NIBAN1: variants seen among roughly 807,000 people sequenced by gnomAD.
NIBAN1 encodes protein Niban 1.
A neutral mutation model predicts 75.1 loss-of-function variants in NIBAN1; 81 were observed. The observed-to-expected ratio is 1.08, with a 90% confidence interval of 0.90 to 1.30. The LOEUF (loss-of-function observed/expected upper bound fraction) is 1.30. Among genes scored for constraint, NIBAN1 ranks in the 50% most tolerant of loss-of-function variants. The probability of loss-of-function intolerance (pLI) is 0.00; values close to 1 mark genes in which losing one functional copy is unlikely to be tolerated. For missense variants in NIBAN1, 1,133 were observed against 1,128.1 expected, an observed-to-expected ratio of 1.00 and a Z score of -0.06; for synonymous variants, 436 against 424.8, an observed-to-expected ratio of 1.03 and a Z score of -0.32.
chr1:184,807,071 C>T (rs1654221214), intron 10 of NIBAN1, among the ~76,000 whole-genome samples: 1 of 152,040 alleles, frequency 6.6e-6, no homozygotes, highest in African/African-American at 2.4e-5. Context: ...TGCCTGGCCA[C>T]AATATATACC....
chr1:184,869,853 A>T (rs1656056877), intron 5 of NIBAN1, among the ~76,000 whole-genome samples: 4 of 152,074 alleles, frequency 2.6e-5, no homozygotes. Context: ...ACCATTCACC[A>T]CTTTTTTATT....
intron 1 of NIBAN1, among the ~76,000 whole-genome samples, chr1:184,940,593 G>A (rs566646051): frequency 6.6e-6 from 1 of 152,302 alleles, no homozygotes; most frequent in South Asian, 2.1e-4. Flanking sequence ...GTATACCACA[G>A]TGTATTTTGG....
chr1:184,875,372 G>A (rs2102292998), intron 5 of NIBAN1, among the ~76,000 whole-genome samples: 1 of 152,302 alleles, frequency 6.6e-6, no homozygotes, highest in Middle Eastern at 3.4e-3. Flanking sequence ...TCATGAAGCT[G>A]CAGTCACATG....
At position 184,795,733 on chromosome 1, in the gene NIBAN1, C is replaced by T. The variant is rs542770537; in HGVS notation, c.2031G>A (p.Pro677=). Residue 677 remains proline (P), a synonymous_variant, in exon 14 of 14, where the codon CCG becomes CCA. Transcript: ENST00000367511. ...ACTCCAGCTCTGATGAGCATGTGCC[C>T]GGGAGTCCTGCTGTGTCCTCTGTTG... ...PVATEDTAGL[P]GTCSSELEFG... 70 of 1,612,724 alleles carry T rather than the reference C, an allele frequency of 4.3e-5. No individual in the cohort carries two copies. Among genetic ancestry groups the T allele is most frequent in the Non-Finnish European group, 5.3e-5 (63 of 1,179,192 alleles).
chr1:184,966,465 A>T (rs1172646086), intron 1 of NIBAN1, among the ~76,000 whole-genome samples: 1 of 152,256 alleles, frequency 6.6e-6, no homozygotes, highest in Admixed American at 6.5e-5. Flanking sequence ...AAAAATAAAA[A>T]GTAGAACCAC....
At chr1:184,936,416 A>G (rs1321072441) in intron 1 of NIBAN1, among the ~76,000 whole-genome samples, 1 of 152,182 alleles carries the variant, frequency 6.6e-6, no homozygotes, top group Non-Finnish European at 1.5e-5. Context: ...ATGTTCCTGT[A>G]TTGTTGCCTC....
intron 1 of NIBAN1, among the ~76,000 whole-genome samples, chr1:184,951,486 G>T (rs1231991635): frequency 1.3e-5 from 2 of 152,052 alleles, no homozygotes; most frequent in Non-Finnish European, 2.9e-5. Context: ...TTTTGTTCAG[G>T]TCAGAAATTG....
At chr1:184,935,033 G>C (rs1284528217) in intron 1 of NIBAN1, among the ~76,000 whole-genome samples, 1 of 152,198 alleles carries the variant, frequency 6.6e-6, no homozygotes, top group East Asian at 1.9e-4. Flanking sequence ...TCACACCACT[G>C]CACTCCGGCT....
chr1:184,931,188 C>T (rs763653473), intron 1 of NIBAN1, among the ~76,000 whole-genome samples: 139 of 152,008 alleles, frequency 9.1e-4, no homozygotes, highest in Non-Finnish European at 1.8e-3. Flanking sequence ...TTAGTAGAGA[C>T]GGGGTTTCAC....
chr1:184,922,153 TGAC>T (rs1409100540), intron 1 of NIBAN1, among the ~76,000 whole-genome samples: 2 of 152,156 alleles, frequency 1.3e-5, no homozygotes, highest in Non-Finnish European at 2.9e-5. Flanking sequence ...ATGGGATACA[TGAC>T]ATATTTTGAT....
chr1:184,896,215 ATC>A (rs1418066520), intron 2 of NIBAN1, among the ~76,000 whole-genome samples: 5 of 152,130 alleles, frequency 3.3e-5, no homozygotes, highest in African/African-American at 1.2e-4. Flanking sequence ...CATCCACATC[ATC>A]TGTTATTTTT....
At chr1:184,938,699 A>C (rs1435388879) in intron 1 of NIBAN1, among the ~76,000 whole-genome samples, 1 of 152,238 alleles carries the variant, frequency 6.6e-6, no homozygotes, top group Non-Finnish European at 1.5e-5. Context: ...ATTCTAATGG[A>C]ATTCTCAAGT....
chr1:184,882,445 G>A (rs1222244034), intron 5 of NIBAN1, among the ~76,000 whole-genome samples: 2 of 152,196 alleles, frequency 1.3e-5, no homozygotes, highest in East Asian at 1.9e-4. Context: ...CACAGCTTCT[G>A]GTTCTGACTG....
chr1:184,824,503 A>G (rs79656000), intron 6 of NIBAN1, among the ~76,000 whole-genome samples: 2,983 of 152,254 alleles, frequency 0.02, 102 homozygotes, highest in African/African-American at 0.067. Flanking sequence ...CCTGCTAAGA[A>G]GGAAGAGAAG....
At position 184,845,776 on chromosome 1, in the gene NIBAN1, G is replaced by A. The variant is rs1468205236; in HGVS notation, c.602-13814C>T. Among the ~76,000 whole-genome samples the A allele has an allele frequency of 2.3e-3, 197 of 84,982 alleles. 73 individuals are homozygous for A. Among genetic ancestry groups the A allele is most frequent in the Non-Finnish European group, 4.3e-3 (180 of 42,256 alleles). The allele number at this position is 84,982 out of a possible 152,430, so 55.8% of individuals were successfully genotyped here. ...AGGCCAGTGTGTGTGCGCACCGTGC[G>A]CGAGCCGAAGCAGGGCGAGGCATTG... is the stretch of plus-strand genomic sequence containing the variant. On this transcript the variant is annotated intron_variant, in intron 5 of 13. Coordinates refer to ENST00000367511, the MANE Select transcript of NIBAN1 (RefSeq NM_052966.4).
At position 184,795,202 on chromosome 1, in the gene NIBAN1, A is replaced by T. The variant is rs760760777; in HGVS notation, c.2562T>A (p.Ser854Arg). ...CTTGTTCCTCAGAAACCTGGCTCTC[A>T]CTGAGGCAGATGGGGTCAGAACCTA... Reference protein sequence around the residue: ...CTLGSDPICLSESQVSEEQEE... With the variant: ...CTLGSDPICLRESQVSEEQEE... The change falls in exon 14 of 14, where the codon AGT becomes AGA. Residue 854 changes from serine to arginine, a missense_variant. Coordinates refer to ENST00000367511, the MANE Select transcript of NIBAN1 (RefSeq NM_052966.4). 16 of 1,613,996 alleles carry T rather than the reference A, an allele frequency of 9.9e-6. No homozygotes were observed. In the Admixed American group the frequency reaches 2.7e-4, roughly 27 times the overall value.
At chr1:184,900,543 T>C (rs1367315259) in intron 1 of NIBAN1, among the ~76,000 whole-genome samples, 1 of 152,114 alleles carries the variant, frequency 6.6e-6, no homozygotes, top group Non-Finnish European at 1.5e-5. Context: ...TAAATCAAAC[T>C]GAGTATGAAC....
intron 1 of NIBAN1, among the ~76,000 whole-genome samples, chr1:184,947,047 T>A (rs1248695006): frequency 1.6e-5 from 2 of 124,856 alleles, no homozygotes; most frequent in Non-Finnish European, 3.4e-5. Flanking sequence ...CACTCCAGCC[T>A]GGGCAACAAG....
At chr1:184,906,383 C>A (rs980093147) in intron 1 of NIBAN1, among the ~76,000 whole-genome samples, 2 of 152,146 alleles carry the variant, frequency 1.3e-5, no homozygotes, top group Non-Finnish European at 2.9e-5. Flanking sequence ...GTAATCCTAG[C>A]ACTTTGGGAG....
Sources: gnomAD v4.1 joint callset for allele counts (sites outside exome capture counted in the v4.1 genomes callset) on GRCh38, gnomAD v4.1.1 for gene constraint, MANE v1.5 for transcripts, NCBI Gene and HGNC (gene_info 2026-07-23, HGNC 2026-07-21) for gene names.